CDS2: variants seen among roughly 807,000 people sequenced by gnomAD.
The protein encoded by CDS2 is CDP-diacylglycerol synthase 2, also known as phosphatidate cytidylyltransferase 2.
A neutral mutation model predicts 59.0 loss-of-function variants in CDS2; 47 were observed. That is an observed-to-expected ratio of 0.80 (90% CI 0.63 to 1.02). The LOEUF (loss-of-function observed/expected upper bound fraction) is 1.02. Among genes scored for constraint, CDS2 ranks in the 50% least tolerant of loss-of-function variants. The probability of loss-of-function intolerance (pLI) is 0.00; values close to 1 mark genes in which losing one functional copy is unlikely to be tolerated. For missense variants in CDS2, 356 were observed against 558.9 expected (o/e 0.64, Z 3.66); for synonymous variants, 207 against 206.4 (o/e 1.00, Z -0.02).
At chr20:5,188,953 C>T in intron 10 of CDS2, 114 bp from the exon 11 acceptor site, 2 of 1,323,282 alleles carry the variant, frequency 1.5e-6, no homozygotes, top group South Asian at 2.5e-5. Context: ...TCCCACTAGG[C>T]ATCACCTCCC....
At chr20:5,159,721 A>G (rs541220668) in intron 1 of CDS2, among the ~76,000 whole-genome samples, 111 of 152,324 alleles carry the variant, frequency 7.3e-4, no homozygotes, top group African/African-American at 2.5e-3. Context: ...TTTCTACAAA[A>G]TATATACCAA....
At chr20:5,186,911 C>G in intron 10 of CDS2, 72 bp downstream of exon 10, 1 of 1,544,586 alleles carries the variant, frequency 6.5e-7, no homozygotes. Context: ...CCTCCATCAC[C>G]TGCCCTCTGA....
chr20:5,186,590 T>C (rs1284021223), intron 9 of CDS2, 97 bp from the exon 10 acceptor site: 9 of 1,188,018 alleles, frequency 7.6e-6, no homozygotes, highest in Non-Finnish European at 4.9e-6. Flanking sequence ...AGCAGGGTAC[T>C]AGGCACCCTC....
intron 1 of CDS2, among the ~76,000 whole-genome samples, chr20:5,132,721 A>G (rs1346115563): frequency 1.3e-5 from 2 of 152,164 alleles, no homozygotes; most frequent in African/African-American, 2.4e-5. Flanking sequence ...CATATAACCA[A>G]TTATTTTATG....
chr20:5,173,276 G>A (rs996513251), intron 1 of CDS2, among the ~76,000 whole-genome samples: 5 of 152,206 alleles, frequency 3.3e-5, no homozygotes, highest in African/African-American at 1.2e-4. Context: ...TGCCCTCTGC[G>A]GTTAAGCAGA....
At chr20:5,128,673 C>T (rs1053765019) in intron 1 of CDS2, 1 of 152,186 alleles carries the variant, frequency 6.6e-6, no homozygotes, top group Admixed American at 6.5e-5. Context: ...AGACAAGATA[C>T]TTTGAAGTCT....
chr20:5,175,025 C>T (rs1443325776), intron 2 of CDS2, among the ~76,000 whole-genome samples, 158 bp from the exon 3 acceptor site: 1 of 152,176 alleles, frequency 6.6e-6, no homozygotes, highest in Admixed American at 6.5e-5. Context: ...TGGTCCTGCT[C>T]CTGCCAGCAT....
intron 5 of CDS2, among the ~76,000 whole-genome samples, chr20:5,181,759 G>A (rs1439677266): frequency 6.6e-6 from 1 of 152,138 alleles, no homozygotes; most frequent in Non-Finnish European, 1.5e-5. Flanking sequence ...ATTTCTCTTA[G>A]AGTACAAACC....
chr20:5,168,793 G>A (rs1171505255), intron 1 of CDS2, among the ~76,000 whole-genome samples: 1 of 152,158 alleles, frequency 6.6e-6, no homozygotes, highest in African/African-American at 2.4e-5. Flanking sequence ...GGAAAAGCCA[G>A]ACCTTAACCA....
intron 1 of CDS2, among the ~76,000 whole-genome samples, chr20:5,138,252 G>A (rs1294494361): frequency 6.6e-6 from 1 of 151,560 alleles, no homozygotes; most frequent in Non-Finnish European, 1.5e-5. Flanking sequence ...ACCCAGCCTC[G>A]AGTTGATTTT....
chr20:5,182,379 C>G lies in CDS2; in HGVS notation c.530-8C>G, dbSNP rs778396984. The G allele has an allele frequency of 1.8e-5, 29 of 1,606,368 alleles. No individual in the cohort carries two copies. Among genetic ancestry groups the G allele is most frequent in the Non-Finnish European group, 2.5e-5 (29 of 1,176,976 alleles). The stretch of plus-strand genomic sequence containing the variant: ...TCATTTTTCTTTTCTCCTCCCACCT[C>G]AAACTAGGATTCTGCATGTTTGTAC... On this transcript the variant is annotated splice_region_variant and splice_polypyrimidine_tract_variant and intron_variant, in intron 5 of 12. Coordinates refer to ENST00000460006, the MANE Select transcript of CDS2 (RefSeq NM_003818.4).
At chr20:5,133,060 A>G (rs2090620817) in intron 1 of CDS2, among the ~76,000 whole-genome samples, 1 of 151,612 alleles carries the variant, frequency 6.6e-6, no homozygotes, top group South Asian at 2.1e-4. Context: ...AGTCCCAGCT[A>G]CTCAGGAGGC....
intron 3 of CDS2, 199 bp downstream of exon 3, chr20:5,175,478 T>C (rs1405828665): frequency 3.9e-6 from 2 of 512,274 alleles, no homozygotes; most frequent in East Asian, 3.5e-5. Flanking sequence ...TGGTTGTTTA[T>C]GGTTGAAGAT....
At chr20:5,186,626 G>A in intron 9 of CDS2, 61 bp from the exon 10 acceptor site, 2 of 1,586,386 alleles carry the variant, frequency 1.3e-6, no homozygotes, top group South Asian at 1.1e-5. Flanking sequence ...CCAGGTGCCT[G>A]TGTCTGGGCT....
chr20:5,129,717 T>A (rs2090587843), intron 1 of CDS2, among the ~76,000 whole-genome samples: 1 of 151,628 alleles, frequency 6.6e-6, no homozygotes, highest in Admixed American at 6.6e-5. Flanking sequence ...GCTGGGATTA[T>A]AGGCATGAGC....
At chr20:5,160,481 G>A (rs1175102364) in intron 1 of CDS2, among the ~76,000 whole-genome samples, 3 of 152,096 alleles carry the variant, frequency 2.0e-5, no homozygotes, top group Admixed American at 1.3e-4. Context: ...CTGTTAGACT[G>A]TCTGCATTGT....
chr20:5,168,434 G>GA (rs2090929897), intron 1 of CDS2, among the ~76,000 whole-genome samples: 1 of 112,370 alleles, frequency 8.9e-6, no homozygotes, highest in Non-Finnish European at 2.0e-5. Flanking sequence ...AAAAAAAAAA[G>GA]AAAAGAAAAA....
At chr20:5,168,090 A>T (rs1056004623) in intron 1 of CDS2, among the ~76,000 whole-genome samples, 7 of 152,170 alleles carry the variant, frequency 4.6e-5, no homozygotes, top group African/African-American at 1.7e-4. Flanking sequence ...TCTTTAGTGT[A>T]GTCCAGAGCT....
At chr20:5,178,531 C>T (rs2091010259) in intron 4 of CDS2, among the ~76,000 whole-genome samples, 2 of 151,996 alleles carry the variant, frequency 1.3e-5, no homozygotes, top group African/African-American at 4.8e-5. Flanking sequence ...TTCAAGGATC[C>T]CTCAGTTAGG....
Sources: allele counts gnomAD v4.1 joint callset (sites outside exome capture counted in the v4.1 genomes callset), GRCh38; gene constraint gnomAD v4.1.1; transcripts MANE v1.5; gene names NCBI Gene and HGNC (gene_info 2026-07-23, HGNC 2026-07-21).